Variants in FCHSD2 observed in about 807,000 individuals in gnomAD.
The protein encoded by FCHSD2 is F-BAR and double SH3 domains protein 2.
FCHSD2 carries 38 observed loss-of-function variants against 108.1 expected under a neutral mutation model. The ratio of observed to expected loss-of-function variants is 0.35; its 90% CI spans 0.27 to 0.46. The LOEUF (loss-of-function observed/expected upper bound fraction) is 0.46, where lower values mean the gene tolerates loss of function less well. Ranked by LOEUF, FCHSD2 falls within the 20% of genes least tolerant of loss-of-function variation. The pLI is 1.00. For synonymous variants in FCHSD2, 279 were observed against 314.7 expected, an observed-to-expected ratio of 0.89 and a Z score of 1.20; for missense variants, 751 against 897.8, an observed-to-expected ratio of 0.84 and a Z score of 2.09.
chr11:72,840,818 C>T (rs1020531209), intron 19 of FCHSD2, 59 bp downstream of exon 19: 3 of 1,258,002 alleles, frequency 2.4e-6, no homozygotes, highest in African/African-American at 1.5e-5. Flanking sequence ...AACATTAATT[C>T]CTTACTTTCA....
intron 3 of FCHSD2, among the ~76,000 whole-genome samples, chr11:73,022,220 T>C (rs1304772352): frequency 6.6e-6 from 1 of 152,196 alleles, no homozygotes; most frequent in African/African-American, 2.4e-5. Context: ...AAAGATTTTC[T>C]CTGTTACACT....
intron 8 of FCHSD2, among the ~76,000 whole-genome samples, chr11:72,944,531 T>C (rs1856482024): frequency 6.6e-6 from 1 of 152,138 alleles, no homozygotes; most frequent in African/African-American, 2.4e-5. Context: ...TTCAACATAG[T>C]GTTGGAAGTT....
intron 3 of FCHSD2, among the ~76,000 whole-genome samples, chr11:73,051,946 C>T (rs1380485698): frequency 6.6e-6 from 1 of 150,508 alleles, no homozygotes; most frequent in Non-Finnish European, 1.5e-5. Context: ...GGGAAAAATT[C>T]CACCAAAGAT....
At chr11:72,996,929 T>C (rs1377396724) in intron 5 of FCHSD2, among the ~76,000 whole-genome samples, 1 of 152,204 alleles carries the variant, frequency 6.6e-6, no homozygotes, top group Non-Finnish European at 1.5e-5. Context: ...TGAATCATGG[T>C]ATAAAGAAAT....
At chr11:72,909,715 T>G (rs1445577463) in intron 9 of FCHSD2, among the ~76,000 whole-genome samples, 2 of 150,230 alleles carry the variant, frequency 1.3e-5, no homozygotes, top group Non-Finnish European at 1.5e-5. Context: ...GGAGCGCCTC[T>G]GCCTGGCCGC....
Position 72,842,811 on chromosome 11 carries a change from T to A in FCHSD2, c.1736A>T (p.Glu579Val), listed in dbSNP as rs774000414. The A allele has an allele frequency of 8.1e-6, 13 of 1,613,788 alleles. No homozygotes were observed. The East Asian group carries it at 2.9e-4, about 36-fold the overall frequency. Residue 579 changes from glutamate to valine, a missense_variant, in exon 17 of 20, where the codon GAG (glutamate) becomes GTG (valine). Glu to Val is a moderately radical substitution (Grantham distance 121). Coordinates refer to ENST00000409418, the MANE Select transcript of FCHSD2 (RefSeq NM_014824.3). ...VCFVKALYDY[E>V]GQTDDELSFP... is the part of the protein sequence containing the mutation. ...AGATAACTCATCATCTGTCTGGCCC[T>A]CATAATCATAAAGTGCTTTCACAAA... is the stretch of plus-strand genomic sequence containing the variant.
intron 10 of FCHSD2, 29 bp downstream of exon 10, chr11:72,902,514 C>A: frequency 6.9e-7 from 1 of 1,452,180 alleles, no homozygotes; most frequent in Non-Finnish European, 9.5e-7. Flanking sequence ...CTGAACAACA[C>A]ATGAAATGAA....
At chr11:73,095,120 G>GA (rs1358249375) in intron 2 of FCHSD2, among the ~76,000 whole-genome samples, 9 of 152,128 alleles carry the variant, frequency 5.9e-5, no homozygotes, top group Non-Finnish European at 1.5e-5. Context: ...GTCATAGAAT[G>GA]AAAATTAGAA....
At chr11:73,071,255 G>A (rs1045962303) in intron 3 of FCHSD2, among the ~76,000 whole-genome samples, 5 of 151,994 alleles carry the variant, frequency 3.3e-5, no homozygotes, top group Non-Finnish European at 5.9e-5. Flanking sequence ...TTCAATTCAC[G>A]TGCATACACA....
intron 8 of FCHSD2, among the ~76,000 whole-genome samples, chr11:72,980,716 ATGTATG>A (rs1200456986): frequency 1.3e-5 from 2 of 149,646 alleles, no homozygotes; most frequent in East Asian, 3.9e-4. Context: ...ATGTATATAT[ATGTATG>A]TGTATATATA....
At chr11:73,094,112 G>A (rs956564559) in intron 2 of FCHSD2, among the ~76,000 whole-genome samples, 1 of 152,110 alleles carries the variant, frequency 6.6e-6, no homozygotes, top group African/African-American at 2.4e-5. Flanking sequence ...CCGGGAGGCT[G>A]AGGCAAGAGA....
chr11:73,063,042 G>A (rs1005318050), intron 3 of FCHSD2, among the ~76,000 whole-genome samples: 3 of 152,188 alleles, frequency 2.0e-5, no homozygotes, highest in African/African-American at 7.2e-5. Context: ...CAGAGAGAAA[G>A]GTCAGGTTAC....
At chr11:72,917,892 TAA>T (rs879471036) in intron 9 of FCHSD2, among the ~76,000 whole-genome samples, 3 of 136,820 alleles carry the variant, frequency 2.2e-5, no homozygotes, top group Admixed American at 7.3e-5. Flanking sequence ...TGTCTCAAAT[TAA>T]AAAAAAAAAA....
intron 2 of FCHSD2, among the ~76,000 whole-genome samples, chr11:73,132,133 A>G (rs1230688718): frequency 6.6e-6 from 1 of 152,236 alleles, no homozygotes; most frequent in Non-Finnish European, 1.5e-5. Flanking sequence ...ACTGCATCAC[A>G]GCCTAAAAGA....
rs77175727 is a variant in FCHSD2 at position 73,000,992 on chromosome 11, T to G, written c.385A>C (p.Arg129=). The stretch of plus-strand genomic sequence containing the variant: ...AAGAACAGAAATAAAAACAATACCC[T>G]TTTTAGTTGCTGTTCTTTTAAGCTT... ...VRSLKEQQLK[R]CVDQLTKIQT... The change falls in exon 5 of 20, where the codon AGG becomes CGG. Residue 129 remains arginine (R), a splice_region_variant and synonymous_variant. Coordinates refer to ENST00000409418, the MANE Select transcript of FCHSD2 (RefSeq NM_014824.3). 3,561 of 1,603,020 alleles carry G rather than the reference T, an allele frequency of 2.2e-3. 71 individuals are homozygous for G. The African/African-American group carries it at 0.044, about 20-fold the overall frequency.
chr11:72,849,213 C>A (rs1326308270), intron 14 of FCHSD2, among the ~76,000 whole-genome samples: 2 of 152,166 alleles, frequency 1.3e-5, no homozygotes, highest in Non-Finnish European at 2.9e-5. Context: ...TGTATTCACG[C>A]CTCCCTTCCA....
chr11:73,096,987 A>ATTTTTTATTTTTTTTTTTTTTTTT (rs1860097147), intron 2 of FCHSD2, among the ~76,000 whole-genome samples: 1 of 27,020 alleles, frequency 3.7e-5, no homozygotes, highest in South Asian at 3.2e-3. Context: ...TCATTGATGG[A>ATTTTTTATTTTTTTTTTTTTTTTT]TTTTTTTTTT....
chr11:72,942,945 A>G (rs556055311), intron 8 of FCHSD2, among the ~76,000 whole-genome samples: 1 of 152,222 alleles, frequency 6.6e-6, no homozygotes, highest in African/African-American at 2.4e-5. Context: ...AAGTGCTGGG[A>G]TTATAGGTGT....
At chr11:72,881,122 T>C (rs1855077377) in intron 12 of FCHSD2, among the ~76,000 whole-genome samples, 1 of 152,212 alleles carries the variant, frequency 6.6e-6, no homozygotes, top group Non-Finnish European at 1.5e-5. Flanking sequence ...TTGCAAATTA[T>C]TCATGCAACA....
Sources: allele counts gnomAD v4.1 joint callset (sites outside exome capture counted in the v4.1 genomes callset), GRCh38; gene constraint gnomAD v4.1.1; transcripts MANE v1.5; gene names NCBI Gene and HGNC (gene_info 2026-07-23, HGNC 2026-07-21).